The following TNFSF4 variants were observed in gnomAD, a reference collection of about 807,000 sequenced individuals.
TNFSF4 encodes the protein TNF superfamily member 4, also known as tumor necrosis factor ligand superfamily member 4.
TNFSF4 carries 4 observed loss-of-function variants against 7.3 expected under a neutral mutation model. The ratio of observed to expected loss-of-function variants is 0.55; its 90% CI spans 0.27 to 1.25. TNFSF4 has a LOEUF of 1.25. Among genes scored for constraint, TNFSF4 ranks in the 50% most tolerant of loss-of-function variants. TNFSF4 has a pLI of 0.12. For missense variants in TNFSF4, 181 were observed against 208.8 expected (o/e 0.87, Z 0.82); for synonymous variants, 76 against 83.7 (o/e 0.91, Z 0.50).
chr1:173,394,987 CATAG>C, the TNFSF4 span, among the ~76,000 whole-genome samples: 6,349 of 126,446 alleles, frequency 0.05, 286 homozygotes, highest in South Asian at 0.066. Context: ...ATAGAGGACA[CATAG>C]ATAGATAGAT....
chr1:173,396,416 A>G, the TNFSF4 span, among the ~76,000 whole-genome samples: 1 of 152,176 alleles, frequency 6.6e-6, no homozygotes, highest in African/African-American at 2.4e-5. Flanking sequence ...AGGCTGAGGC[A>G]GGAGGATTAA....
chr1:173,443,417 C>T, the TNFSF4 span, among the ~76,000 whole-genome samples: 1 of 151,988 alleles, frequency 6.6e-6, no homozygotes, highest in Admixed American at 6.6e-5. Context: ...AATCCTCATG[C>T]AGTCAATGGA....
chr1:173,218,780 T>C, the TNFSF4 span, among the ~76,000 whole-genome samples: 2 of 152,218 alleles, frequency 1.3e-5, no homozygotes, highest in Non-Finnish European at 1.5e-5. Flanking sequence ...CATTTTCTTT[T>C]ATTACTTGTA....
chr1:173,279,461 T>C, the TNFSF4 span, among the ~76,000 whole-genome samples: 1 of 152,134 alleles, frequency 6.6e-6, no homozygotes, highest in Non-Finnish European at 1.5e-5. Flanking sequence ...AATTTAAATA[T>C]GCAACCCAGA....
At chr1:173,223,285 A>T in the TNFSF4 span, among the ~76,000 whole-genome samples, 2,634 of 152,272 alleles carry the variant, frequency 0.017, 81 homozygotes, top group African/African-American at 0.059. Flanking sequence ...TACACTTGTT[A>T]TATTATTATC....
the TNFSF4 span, among the ~76,000 whole-genome samples, chr1:173,407,876 T>C: frequency 6.6e-6 from 1 of 152,102 alleles, no homozygotes; most frequent in African/African-American, 2.4e-5. Context: ...CCCAGAGTGA[T>C]GGTATTAGGA....
At chr1:173,262,382 T>C in the TNFSF4 span, among the ~76,000 whole-genome samples, 1 of 152,144 alleles carries the variant, frequency 6.6e-6, no homozygotes, top group Admixed American at 6.5e-5. Flanking sequence ...TCATACTGAA[T>C]GGACAAAAAC....
At chr1:173,288,572 T>C in the TNFSF4 span, among the ~76,000 whole-genome samples, 3 of 152,196 alleles carry the variant, frequency 2.0e-5, no homozygotes, top group African/African-American at 4.8e-5. Context: ...TTTTCTCTCA[T>C]ATACATGTGA....
the TNFSF4 span, among the ~76,000 whole-genome samples, chr1:173,274,426 A>C: frequency 6.6e-6 from 1 of 152,124 alleles, no homozygotes; most frequent in Non-Finnish European, 1.5e-5. Flanking sequence ...TTGCAGAATC[A>C]AAATGTATAT....
chr1:173,378,882 C>T, the TNFSF4 span, among the ~76,000 whole-genome samples: 1 of 91,774 alleles, frequency 1.1e-5, no homozygotes, highest in African/African-American at 3.7e-5. Context: ...CCCCCTCCCC[C>T]CCCACCACAG....
chr1:173,398,959 C>T, the TNFSF4 span, among the ~76,000 whole-genome samples: 1 of 152,174 alleles, frequency 6.6e-6, no homozygotes, highest in African/African-American at 2.4e-5. Context: ...CAGATAACTT[C>T]TGTCTTGTTG....
the TNFSF4 span, among the ~76,000 whole-genome samples, chr1:173,332,716 G>A: frequency 6.0e-5 from 9 of 150,608 alleles, no homozygotes; most frequent in East Asian, 2.0e-4. Context: ...TTAACCATGC[G>A]TGGTGGCACG....
At chr1:173,249,695 G>A in the TNFSF4 span, among the ~76,000 whole-genome samples, 1 of 152,178 alleles carries the variant, frequency 6.6e-6, no homozygotes, top group African/African-American at 2.4e-5. Flanking sequence ...CATGTGCCAG[G>A]ACACCACAGC....
chr1:173,208,316 T>C (rs1186966442), upstream of TNFSF4, among the ~76,000 whole-genome samples: 1 of 152,184 alleles, frequency 6.6e-6, no homozygotes, highest in Non-Finnish European at 1.5e-5. Context: ...GAATTGTCTC[T>C]CTTTGTGGCC....
chr1:173,325,322 C>G, the TNFSF4 span, among the ~76,000 whole-genome samples: 1 of 151,982 alleles, frequency 6.6e-6, no homozygotes, highest in Non-Finnish European at 1.5e-5. Flanking sequence ...CCAACGAGAA[C>G]AAAGACACAA....
chr1:173,268,870 T>A, the TNFSF4 span, among the ~76,000 whole-genome samples: 1 of 152,062 alleles, frequency 6.6e-6, no homozygotes, highest in Non-Finnish European at 1.5e-5. Flanking sequence ...AATGACATTA[T>A]TAGGGACAAA....
At chr1:173,414,778 T>C in the TNFSF4 span, among the ~76,000 whole-genome samples, 3 of 152,214 alleles carry the variant, frequency 2.0e-5, no homozygotes, top group Non-Finnish European at 4.4e-5. Flanking sequence ...AGCCATGCCA[T>C]GGCTGGCACA....
the TNFSF4 span, among the ~76,000 whole-genome samples, chr1:173,338,181 A>G: frequency 2.0e-5 from 3 of 152,198 alleles, no homozygotes; most frequent in African/African-American, 7.2e-5. Context: ...GGAATCAGAC[A>G]GCTACCTGGT....
the TNFSF4 span, among the ~76,000 whole-genome samples, chr1:173,427,141 T>C: frequency 6.6e-6 from 1 of 152,192 alleles, no homozygotes; most frequent in African/African-American, 2.4e-5. Context: ...AAAAAATCAA[T>C]ACAATAATCA....
Sources: gnomAD v4.1 joint callset for allele counts (sites outside exome capture counted in the v4.1 genomes callset) on GRCh38, gnomAD v4.1.1 for gene constraint, MANE v1.5 for transcripts, NCBI Gene and HGNC (gene_info 2026-07-23, HGNC 2026-07-21) for gene names.